The following CPAMD8 variants were observed in gnomAD, a reference collection of about 807,000 sequenced individuals.
CPAMD8 encodes C3 and PZP-like alpha-2-macroglobulin domain-containing protein 8.
In CPAMD8, 146 loss-of-function variants were observed where a neutral mutation model predicts 224.7. The observed-to-expected ratio is 0.65, with a 90% confidence interval of 0.57 to 0.75. CPAMD8 has a LOEUF of 0.75. Among genes scored for constraint, CPAMD8 ranks in the 30% least tolerant of loss-of-function variants. The pLI, the probability that CPAMD8 is intolerant of heterozygous loss-of-function variation, is 0.00. For synonymous variants in CPAMD8, 966 were observed against 1,044.6 expected (o/e 0.92, Z 1.45); for missense variants, 2,301 against 2,537.5 (o/e 0.91, Z 2.00).
chr19:16,987,123 C>T (rs1235589277), intron 13 of CPAMD8, among the ~76,000 whole-genome samples: 1 of 124,750 alleles, frequency 8.0e-6, no homozygotes, highest in Non-Finnish European at 1.6e-5. Context: ...TGTGCCACTG[C>T]ACTCCAGCCT....
intron 13 of CPAMD8, among the ~76,000 whole-genome samples, chr19:16,982,532 A>C (rs1599842955): frequency 6.6e-6 from 1 of 152,182 alleles, no homozygotes; most frequent in East Asian, 1.9e-4. Flanking sequence ...GGAAAATTTG[A>C]GCAGCAAAAA....
At chr19:16,972,888 G>A (rs2055113977) in intron 17 of CPAMD8, among the ~76,000 whole-genome samples, 2 of 152,266 alleles carry the variant, frequency 1.3e-5, no homozygotes, top group South Asian at 4.1e-4. Flanking sequence ...GGTTTATTTT[G>A]CCAGGTACAG....
At position 16,984,145 on chromosome 19, in the gene CPAMD8, G is replaced by A. The variant is rs150239521; in HGVS notation, c.1396-3459C>T. On this transcript the variant is annotated intron_variant, in intron 13 of 41. Transcript: ENST00000443236. ...AAACAGTGCTGAGACAACTGAATAG[G>A]TACATGCAAAAGAGTGAAGTTGGTC... Among the ~76,000 whole-genome samples the A allele has an allele frequency of 6.4e-3, 966 of 151,992 alleles. 5 individuals carry two copies. Among genetic ancestry groups the A allele is most frequent in the African/African-American group, 0.022 (917 of 41,460 alleles).
chr19:16,987,208 A>G (rs2055775902), intron 13 of CPAMD8, among the ~76,000 whole-genome samples: 1 of 125,372 alleles, frequency 8.0e-6, no homozygotes, highest in South Asian at 2.6e-4. Flanking sequence ...ATATATATAT[A>G]TGTATATGTG....
Position 16,971,027 on chromosome 19 carries a change from C to T in CPAMD8, c.2077G>A (p.Gly693Arg). ...ACTCGGTCGGTCATCACCACCAGTC[C>T]CGTTTCCTAGGCAACAGACAACACC... ...KDSGFAFTETGLVVMTDRVSL... is the reference protein window; with the variant it reads ...KDSGFAFTETRLVVMTDRVSL... The change falls in exon 18 of 42, where the codon GGA becomes AGA. Residue 693 changes from glycine (G) to arginine (R), a missense_variant. Transcript: ENST00000443236. The T allele has an allele frequency of 6.2e-7, 1 of 1,601,988 alleles. No individual in the cohort carries two copies. Among genetic ancestry groups the T allele is most frequent in the South Asian group, 1.1e-5 (1 of 90,006 alleles).
chr19:17,014,145 G>A (rs888559354), intron 3 of CPAMD8, among the ~76,000 whole-genome samples: 13 of 152,096 alleles, frequency 8.5e-5, no homozygotes, highest in African/African-American at 2.7e-4. Context: ...TCAAACTCCT[G>A]GGCTCATGCG....
In CPAMD8 at chr19:17,011,703, G is replaced by T. The variant is rs1356408360; in HGVS notation, c.322C>A (p.Gln108Lys). 31 of 1,613,874 alleles carry T rather than the reference G, an allele frequency of 1.9e-5. No homozygotes were observed. The highest frequency in any genetic ancestry group is 2.5e-5 in the Non-Finnish European group (30 of 1,180,008). Reference sequence around the variant, plus strand: ...TGAAAGAGGGGCCCCTCCTCCGCCTGCCAGCCGCGGCCCCACACTTTCAGA... The same window carrying T: ...TGAAAGAGGGGCCCCTCCTCCGCCTTCCAGCCGCGGCCCCACACTTTCAGA... ...ALLKVWGRGW[Q>K]AEEGPLFHNQ... Residue 108 changes from glutamine to lysine, a missense_variant, in exon 4 of 42, where the codon CAG becomes AAG. This residue lies in a region of CPAMD8 where 283 missense variants were observed against 340.6 expected (regional missense o/e 0.83). Coordinates refer to ENST00000443236, the MANE Select transcript of CPAMD8 (RefSeq NM_015692.5).
At chr19:16,955,159 G>T (rs775475137) in intron 19 of CPAMD8, among the ~76,000 whole-genome samples, 15 of 152,036 alleles carry the variant, frequency 9.9e-5, no homozygotes, top group Non-Finnish European at 1.8e-4. Flanking sequence ...GCTGGGCATG[G>T]TGGCGCATGC....
intron 2 of CPAMD8, 110 bp downstream of exon 2, chr19:17,021,920 G>A: frequency 9.8e-7 from 1 of 1,024,144 alleles, no homozygotes. Context: ...GGGGATTTAG[G>A]GCAGAAGGGA....
chr19:17,015,913 C>T (rs2056798986), intron 3 of CPAMD8, among the ~76,000 whole-genome samples: 1 of 152,118 alleles, frequency 6.6e-6, no homozygotes, highest in African/African-American at 2.4e-5. Flanking sequence ...AGGATGCCTC[C>T]CACAGGGAGA....
At chr19:17,003,398 A>T (rs1231005908) in intron 8 of CPAMD8, among the ~76,000 whole-genome samples, 1 of 151,588 alleles carries the variant, frequency 6.6e-6, no homozygotes, top group Admixed American at 6.6e-5. Context: ...GACAGGGACT[A>T]TGTTGTCCAG....
chr19:16,933,820 T>C (rs1043084930), intron 23 of CPAMD8, among the ~76,000 whole-genome samples: 6 of 152,222 alleles, frequency 3.9e-5, no homozygotes, highest in Admixed American at 3.9e-4. Flanking sequence ...CATATGATTC[T>C]GTTCTTTCAT....
At chr19:16,995,291 C>G (rs1296055112) in intron 11 of CPAMD8, among the ~76,000 whole-genome samples, 1 of 152,232 alleles carries the variant, frequency 6.6e-6, no homozygotes, top group Non-Finnish European at 1.5e-5. Flanking sequence ...AGATGCAGGG[C>G]CAGGGATGTG....
chr19:16,977,036 C>T (rs1365842757), intron 15 of CPAMD8, among the ~76,000 whole-genome samples: 1 of 151,912 alleles, frequency 6.6e-6, no homozygotes, highest in Admixed American at 6.6e-5. Context: ...AGCTTGACTC[C>T]GTCTCAAAAT....
chr19:16,939,235 ACT>A (rs2053804276), intron 22 of CPAMD8, among the ~76,000 whole-genome samples: 1 of 151,124 alleles, frequency 6.6e-6, no homozygotes, highest in Non-Finnish European at 1.5e-5. Flanking sequence ...ACAGAGTCTC[ACT>A]CTGTCGCCCA....
chr19:16,919,372 A>G (rs937076091), intron 27 of CPAMD8, among the ~76,000 whole-genome samples: 1 of 152,206 alleles, frequency 6.6e-6, no homozygotes, highest in African/African-American at 2.4e-5. Context: ...AGTAGTCCCT[A>G]TGGAGAAGTC....
At position 16,902,634 on chromosome 19, in the gene CPAMD8, G is replaced by A. The variant is rs1310998134; in HGVS notation, c.4685+15C>T. The A allele has an allele frequency of 5.8e-6, 9 of 1,562,684 alleles. No individual in the cohort carries two copies. The Admixed American group carries it at 1.4e-4, about 24-fold the overall frequency. Reference sequence around the variant, plus strand: ...CCTCCTGGGATGCCCACGCCAGCAGGGCAGGTGGCCTTACCTGGTGCACAC... The same window carrying A: ...CCTCCTGGGATGCCCACGCCAGCAGAGCAGGTGGCCTTACCTGGTGCACAC... On this transcript the variant is annotated intron_variant, in intron 35 of 41. Coordinates refer to ENST00000443236, the MANE Select transcript of CPAMD8 (RefSeq NM_015692.5).
chr19:16,960,352 T>C (rs1352510831), intron 18 of CPAMD8, among the ~76,000 whole-genome samples: 14 of 152,154 alleles, frequency 9.2e-5, no homozygotes, highest in Non-Finnish European at 2.9e-5. Flanking sequence ...GAGTGGTTCA[T>C]CGTGGCACTA....
chr19:16,949,921 A>G (rs2054244394), intron 20 of CPAMD8, among the ~76,000 whole-genome samples: 1 of 152,196 alleles, frequency 6.6e-6, no homozygotes, highest in Non-Finnish European at 1.5e-5. Context: ...CCCTGAACCC[A>G]TGACAATGCT....
Sources: allele counts gnomAD v4.1 joint callset (sites outside exome capture counted in the v4.1 genomes callset), GRCh38; gene constraint gnomAD v4.1.1; regional missense constraint gnomAD v4.1.1; transcripts MANE v1.5; gene names NCBI Gene and HGNC (gene_info 2026-07-23, HGNC 2026-07-21).